The following CCSER1 variants were observed in gnomAD, a reference collection of about 807,000 sequenced individuals.
The protein encoded by CCSER1 is coiled-coil serine rich protein 1, also known as serine-rich coiled-coil domain-containing protein 1.
CCSER1 carries 41 observed loss-of-function variants against 82.0 expected under a neutral mutation model. The observed-to-expected ratio is 0.50, with a 90% confidence interval of 0.39 to 0.65. The LOEUF is 0.65. CCSER1 is among the 30% of genes least tolerant of loss of function. The probability of loss-of-function intolerance (pLI) is 0.00; values close to 1 mark genes in which losing one functional copy is unlikely to be tolerated. For missense variants in CCSER1, 1,119 were observed against 1,064.2 expected (o/e 1.05, Z -0.72); for synonymous variants, 414 against 383.9 (o/e 1.08, Z -0.92).
intron 3 of CCSER1, among the ~76,000 whole-genome samples, chr4:90,316,709 T>A (rs1736230701): frequency 6.6e-6 from 1 of 152,208 alleles, no homozygotes; most frequent in African/African-American, 2.4e-5. Context: ...TTTATTAAGA[T>A]GCTGAGCATT....
intron 10 of CCSER1, among the ~76,000 whole-genome samples, chr4:91,540,201 A>C (rs910561374): frequency 2.0e-5 from 3 of 152,086 alleles, no homozygotes; most frequent in African/African-American, 7.2e-5. Flanking sequence ...ACAGTGGTAC[A>C]TTTGTAGAGT....
chr4:90,308,208 C>G, intron 1 of CCSER1, 36 bp from the exon 2 acceptor site: 1 of 1,381,128 alleles, frequency 7.2e-7, no homozygotes, highest in Non-Finnish European at 9.6e-7. Flanking sequence ...TAGTTGAATT[C>G]TATTGACTTG....
At chr4:90,537,752 C>A (rs1422272219) in intron 5 of CCSER1, among the ~76,000 whole-genome samples, 1 of 152,022 alleles carries the variant, frequency 6.6e-6, no homozygotes, top group African/African-American at 2.4e-5. Context: ...TTTAGTTGTT[C>A]CTTCTTCTTT....
intron 3 of CCSER1, among the ~76,000 whole-genome samples, chr4:90,345,443 T>G (rs1324770675): frequency 6.6e-6 from 1 of 152,112 alleles, no homozygotes; most frequent in Non-Finnish European, 1.5e-5. Context: ...CTGCTAATTC[T>G]TCCCAGTGTG....
At chr4:90,276,257 T>TC (rs1727705949) in intron 1 of CCSER1, among the ~76,000 whole-genome samples, 3 of 95,346 alleles carry the variant, frequency 3.1e-5, no homozygotes, top group African/African-American at 1.4e-4. Flanking sequence ...TTTCTTTCCT[T>TC]CCTTCCTTCC....
intron 8 of CCSER1, among the ~76,000 whole-genome samples, chr4:90,840,506 A>G (rs34510263): frequency 0.066 from 10,010 of 152,286 alleles, 433 homozygotes; most frequent in Non-Finnish European, 0.092. Flanking sequence ...CTTTGTGATT[A>G]CATCCTCCCA....
chr4:90,153,849 G>A (rs1481003688), intron 1 of CCSER1, among the ~76,000 whole-genome samples: 1 of 152,108 alleles, frequency 6.6e-6, no homozygotes, highest in Non-Finnish European at 1.5e-5. Flanking sequence ...TCACTCTGAT[G>A]GTAGTTTCTT....
rs767483816 is a variant in CCSER1 at position 91,602,214 on chromosome 4, C to G, written c.*3157C>G. ...ATAGTTGCCCCACTTAAAGTGTTTA[C>G]AAAGATTTTCATGATTAATCTGGGT... On this transcript the variant is annotated 3_prime_UTR_variant, in exon 11 of 11. Coordinates refer to ENST00000509176, the MANE Select transcript of CCSER1 (RefSeq NM_001145065.2). Among the ~76,000 whole-genome samples, 2 of 151,948 alleles carry G rather than the reference C, an allele frequency of 1.3e-5. No homozygotes were observed. Among genetic ancestry groups the G allele is most frequent in the African/African-American group, 2.4e-5 (1 of 41,412 alleles).
intron 1 of CCSER1, among the ~76,000 whole-genome samples, chr4:90,196,185 GA>G (rs1181459504): frequency 5.3e-5 from 8 of 151,128 alleles, no homozygotes; most frequent in African/African-American, 1.9e-4. Flanking sequence ...ATGCTTTTGA[GA>G]AAGCTTTTTT....
rs547422164 is a variant in CCSER1, at chr4:91,603,087, C to A, written c.*4030C>A. Among the ~76,000 whole-genome samples the A allele has an allele frequency of 6.6e-6, 1 of 151,892 alleles. No individual in the cohort carries two copies. Among genetic ancestry groups the A allele is most frequent in the Non-Finnish European group, 1.5e-5 (1 of 67,932 alleles). ...CATGACAACTCTAGGCTGTAGAAGGCGTAATATAAAATACAAACTAGTTTT... is the reference window on the plus strand; with the variant it reads ...CATGACAACTCTAGGCTGTAGAAGGAGTAATATAAAATACAAACTAGTTTT... On this transcript the variant is annotated 3_prime_UTR_variant, in exon 11 of 11. Coordinates refer to ENST00000509176, the MANE Select transcript of CCSER1 (RefSeq NM_001145065.2).
chr4:91,400,671 A>C (rs75059122), intron 10 of CCSER1, among the ~76,000 whole-genome samples: 3,408 of 151,428 alleles, frequency 0.023, 109 homozygotes, highest in African/African-American at 0.076. Context: ...GCATAACTGC[A>C]AGGCATGTGA....
At chr4:90,368,865 TATCA>T (rs1490666869) in intron 3 of CCSER1, among the ~76,000 whole-genome samples, 1 of 151,980 alleles carries the variant, frequency 6.6e-6, no homozygotes, top group Non-Finnish European at 1.5e-5. Flanking sequence ...TTTTAATTTG[TATCA>T]ATCATTATTA....
At chr4:90,929,904 A>C (rs978715048) in intron 9 of CCSER1, among the ~76,000 whole-genome samples, 20 of 152,170 alleles carry the variant, frequency 1.3e-4, no homozygotes, top group Admixed American at 1.3e-3. Flanking sequence ...AAGTAATGGG[A>C]TGGTTGATGT....
intron 1 of CCSER1, among the ~76,000 whole-genome samples, chr4:90,187,540 C>CA (rs887279613): frequency 2.0e-5 from 3 of 151,828 alleles, no homozygotes; most frequent in African/African-American, 7.2e-5. Context: ...GTGGAAGCTA[C>CA]AATTAAAATT....
chr4:90,885,362 G>T (rs190222162), intron 8 of CCSER1, among the ~76,000 whole-genome samples: 1 of 152,274 alleles, frequency 6.6e-6, no homozygotes, highest in East Asian at 1.9e-4. Flanking sequence ...TTGAAAAGAT[G>T]ATATAATTGA....
chr4:91,071,613 T>G (rs1028831401), intron 9 of CCSER1, among the ~76,000 whole-genome samples: 1 of 152,182 alleles, frequency 6.6e-6, no homozygotes, highest in South Asian at 2.1e-4. Flanking sequence ...AATCATAATC[T>G]AGCTATTAAT....
At position 90,843,066 on chromosome 4, in the gene CCSER1, G is replaced by T. The variant is rs191323909; in HGVS notation, c.2094+27221G>T. Among the ~76,000 whole-genome samples, 320 of 152,274 alleles carry T rather than the reference G, an allele frequency of 2.1e-3. 2 individuals carry two copies. Among genetic ancestry groups the T allele is most frequent in the Non-Finnish European group, 1.4e-3 (94 of 68,000 alleles). On this transcript the variant is annotated intron_variant, in intron 8 of 10. Coordinates refer to ENST00000509176, the MANE Select transcript of CCSER1 (RefSeq NM_001145065.2). ...GCACAGGTTAATAAATAACCCTTAAGAGCTGCACTGGATGGTTTAAGGCCC... is the reference window on the plus strand; with the variant it reads ...GCACAGGTTAATAAATAACCCTTAATAGCTGCACTGGATGGTTTAAGGCCC...
At chr4:90,128,846 C>T (rs1722329204) in intron 1 of CCSER1, among the ~76,000 whole-genome samples, 1 of 151,878 alleles carries the variant, frequency 6.6e-6, no homozygotes, top group Non-Finnish European at 1.5e-5. Flanking sequence ...TCTCTCTCTC[C>T]TCTCCCTGCC....
At chr4:90,837,045 T>C (rs943203635) in intron 8 of CCSER1, among the ~76,000 whole-genome samples, 3 of 152,160 alleles carry the variant, frequency 2.0e-5, no homozygotes, top group Non-Finnish European at 4.4e-5. Flanking sequence ...TTCTACTATC[T>C]TTATAAAAAA....
Sources: allele counts gnomAD v4.1 joint callset (sites outside exome capture counted in the v4.1 genomes callset), GRCh38; gene constraint gnomAD v4.1.1; transcripts MANE v1.5; gene names NCBI Gene and HGNC (gene_info 2026-07-23, HGNC 2026-07-21).